Variants in ITGB4 observed in about 807,000 individuals in gnomAD.
ITGB4 encodes the protein integrin beta-4.
Under a neutral mutation model 207.6 loss-of-function variants are expected in ITGB4, and 159 were observed. The ratio of observed to expected loss-of-function variants is 0.77; its 90% CI spans 0.67 to 0.87. ITGB4 has a LOEUF of 0.87. Ranked by LOEUF, ITGB4 falls within the 40% of genes least tolerant of loss-of-function variation. ITGB4 has a pLI of 0.00. For synonymous variants in ITGB4, 1,020 were observed against 1,062.7 expected, an observed-to-expected ratio of 0.96 and a Z score of 0.78; for missense variants, 2,278 against 2,546.8, an observed-to-expected ratio of 0.89 and a Z score of 2.27.
Position 75,729,506 on chromosome 17 carries a change from C to A in ITGB4, c.738+70C>A. 6.6e-7 allele frequency: 1 copy of A among 1,515,604 alleles called. No individual in the cohort carries two copies. 93.9% of individuals were successfully genotyped at this position (1,515,604 alleles called of 1,614,324 possible). On this transcript the variant is annotated intron_variant, in intron 7 of 39. Coordinates refer to ENST00000200181, the MANE Select transcript of ITGB4 (RefSeq NM_000213.5). The surrounding 1 kb of genome is among the most constrained non-coding windows in gnomAD (Gnocchi z 4.4). Reference sequence around the variant, plus strand: ...ACTTCTGGGCAAGGGCCTGAGCTGCCCCCTGGCCTGCTCTGGTGCCAGGCT... The same window carrying A: ...ACTTCTGGGCAAGGGCCTGAGCTGCACCCTGGCCTGCTCTGGTGCCAGGCT...
chr17:75,728,317 C>T (rs1055557415), intron 5 of ITGB4, 60 bp from the exon 6 acceptor site: 12 of 1,436,520 alleles, frequency 8.4e-6, no homozygotes, highest in African/African-American at 1.4e-5. Flanking sequence ...TGGTGGGGGG[C>T]CCGTGTTTAT....
Position 75,757,108 on chromosome 17 carries a change from G to A in ITGB4, c.5218+1G>A, listed in dbSNP as rs1410351503. On this transcript the variant is annotated splice_donor_variant, in intron 38 of 39. Transcript: ENST00000200181. LOFTEE classifies it high-confidence loss of function. Reference sequence around the variant, plus strand: ...ATCACCATAGAGTCCCAGGATGGAGGTAGGCACCTGTCCTTTCCTTCACCC... The same window carrying A: ...ATCACCATAGAGTCCCAGGATGGAGATAGGCACCTGTCCTTTCCTTCACCC... 6.2e-7 allele frequency: 1 copy of A among 1,612,898 alleles called. No homozygotes were observed. The highest frequency in any genetic ancestry group is 2.2e-5 in the East Asian group (1 of 44,874).
At chr17:75,737,294 G>T (rs2060999630) in intron 16 of ITGB4, 28 bp from the exon 17 acceptor site, 2 of 1,581,264 alleles carry the variant, frequency 1.3e-6, no homozygotes, top group Admixed American at 1.8e-5. Flanking sequence ...TGTGGCTGGG[G>T]TGCCCTGCTG....
chr17:75,736,040 C>T lies in ITGB4; in HGVS notation c.1658-11C>T, dbSNP rs1166750952. The T allele has an allele frequency of 6.2e-7, 1 of 1,613,216 alleles. No homozygotes were observed. ...GTAGCTCTCATCTCCCTTCCTTGTC[C>T]CTCTCTGCAGACCGAGGACGCTGCT... On this transcript the variant is annotated splice_polypyrimidine_tract_variant and intron_variant, in intron 13 of 39. Coordinates refer to ENST00000200181, the MANE Select transcript of ITGB4 (RefSeq NM_000213.5).
At chr17:75,734,187 A>ATT (rs1420616932) in intron 13 of ITGB4, among the ~76,000 whole-genome samples, 28 of 119,570 alleles carry the variant, frequency 2.3e-4, no homozygotes, top group South Asian at 2.8e-4. Flanking sequence ...CCCAGGCTGG[A>ATT]GTGCAATAGC....
At chr17:75,756,366 G>C in intron 35 of ITGB4, 63 bp from the exon 36 acceptor site, 4 of 1,582,120 alleles carry the variant, frequency 2.5e-6, no homozygotes, top group Non-Finnish European at 3.5e-6. Flanking sequence ...TAGGGACGAG[G>C]AGGATCAGGC....
In ITGB4 at chr17:75,757,215, TGGGCAGCCGTGCC is replaced by T. The variant is rs753287400; in HGVS notation, c.5239_5251del (p.Arg1748SerfsTer24). 1 of 1,611,624 alleles carries T rather than the reference TGGGCAGCCGTGCC, an allele frequency of 6.2e-7. No individual in the cohort carries two copies. Among genetic ancestry groups the T allele is most frequent in the South Asian group, 1.1e-5 (1 of 91,054 alleles). ...CCCACCCCAGGACCCTTCCCGCAGC[TGGGCAGCCGTGCC>T]GGGCTCTTCCAGCACCCGCTGCAAA... On this transcript the variant is annotated frameshift_variant, in exon 39 of 40. Transcript: ENST00000200181. LOFTEE classifies it high-confidence loss of function.
At chr17:75,730,734 G>A (rs2060837832) in intron 8 of ITGB4, 141 bp from the exon 9 acceptor site, 1 of 1,001,534 alleles carries the variant, frequency 1.0e-6, no homozygotes, top group Admixed American at 1.8e-5. Context: ...CTCCCAAGCA[G>A]GTGGGGGCTA....
rs753610406 is a variant in ITGB4, at chr17:75,755,726, C to T, written c.4584C>T (p.Pro1528=). 114 of 1,612,742 alleles carry T rather than the reference C, an allele frequency of 7.1e-5. No individual in the cohort carries two copies. Among genetic ancestry groups the T allele is most frequent in the Admixed American group, 1.7e-4 (10 of 59,998 alleles). The change falls in exon 35 of 40, where the codon CCC becomes CCT. Residue 1528 remains proline (P), a synonymous_variant. Transcript: ENST00000200181. Reference sequence around the variant, plus strand: ...ACTCTCGCCTGACTGCTGGTGTGCCCGACACGCCCACCCGCCTGGTGTTCT... The same window carrying T: ...ACTCTCGCCTGACTGCTGGTGTGCCTGACACGCCCACCCGCCTGGTGTTCT... The part of the protein sequence containing the change: ...SHDSRLTAGV[P]DTPTRLVFSA...
At chr17:75,730,655 A>T (rs1293224193) in intron 8 of ITGB4, 151 bp downstream of exon 8, 1 of 1,113,778 alleles carries the variant, frequency 9.0e-7, no homozygotes, top group Non-Finnish European at 1.3e-6. Flanking sequence ...CCCTTCCCAA[A>T]GCCTTTAGAC....
rs746207956 is a variant in ITGB4 at position 75,756,935 on chromosome 17, C to T, written c.5054-8C>T. On this transcript the variant is annotated splice_region_variant and splice_polypyrimidine_tract_variant and intron_variant, in intron 37 of 39. Coordinates refer to ENST00000200181, the MANE Select transcript of ITGB4 (RefSeq NM_000213.5). The stretch of plus-strand genomic sequence containing the variant: ...GCCGCAGACGCTGAAGGCATCTTCC[C>T]TGCTCAGGGCCAGCCACCGCATTCC... 4.3e-5 allele frequency: 70 copies of T among 1,612,334 alleles called. No individual in the cohort carries two copies. The highest frequency in any genetic ancestry group is 5.8e-5 in the Non-Finnish European group (68 of 1,179,906).
In ITGB4 at chr17:75,730,354, C is replaced by T. The variant is rs529755730; in HGVS notation, c.852C>T (p.Asn284=). The change falls in exon 8 of 40, where the codon AAC becomes AAT. Residue 284 remains asparagine, a synonymous_variant. Coordinates refer to ENST00000200181, the MANE Select transcript of ITGB4 (RefSeq NM_000213.5). ...ANVLAGIMSR[N]DERCHLDTTG... is the part of the protein sequence containing the mutation. ...TGCTGGCTGGCATCATGAGCCGCAA[C>T]GATGAACGGTGCCACCTGGACACCA... 8.1e-5 allele frequency: 131 copies of T among 1,613,904 alleles called. No individual in the cohort carries two copies. The highest frequency in any genetic ancestry group is 1.9e-4 in the South Asian group (17 of 91,084).
At chr17:75,734,593 T>C (rs570988044) in intron 13 of ITGB4, among the ~76,000 whole-genome samples, 70 of 152,252 alleles carry the variant, frequency 4.6e-4, no homozygotes, top group Non-Finnish European at 6.3e-4. Flanking sequence ...TAGGGAAGGA[T>C]TGGTAGTTGA....
intron 26 of ITGB4, among the ~76,000 whole-genome samples, chr17:75,745,593 T>G (rs911091597): frequency 6.6e-6 from 1 of 151,372 alleles, no homozygotes. Context: ...ATAATAATAA[T>G]AAAGGCCAGG....
At chr17:75,725,179 C>A (rs2060693608) in intron 2 of ITGB4, among the ~76,000 whole-genome samples, 1 of 152,216 alleles carries the variant, frequency 6.6e-6, no homozygotes, top group Non-Finnish European at 1.5e-5. Flanking sequence ...CAGCTCCTAC[C>A]ACTTGAATTT....
At position 75,750,041 on chromosome 17, in the gene ITGB4, T is replaced by C; in HGVS notation, c.3317-70T>C. ...GGGTAGAGCGCCCTGGGTGTTGAAG[T>C]GGGTCTCTGGCGCCCCCTGGTGGTG... is the stretch of plus-strand genomic sequence containing the variant. On this transcript the variant is annotated intron_variant, in intron 27 of 39. Transcript: ENST00000200181. This position sits in a 1 kb window ranked among gnomAD's most constrained non-coding sequence, Gnocchi z 5.5. 1 of 1,596,898 alleles carries C rather than the reference T, an allele frequency of 6.3e-7. No individual in the cohort carries two copies. The highest frequency in any genetic ancestry group is 8.6e-7 in the Non-Finnish European group (1 of 1,165,540).
Position 75,736,111 on chromosome 17 carries a change from G to A in ITGB4, c.1718G>A (p.Cys573Tyr), listed in dbSNP as rs780108176. The A allele has an allele frequency of 1.9e-6, 3 of 1,614,190 alleles. No homozygotes were observed. Among genetic ancestry groups the A allele is most frequent in the Non-Finnish European group, 2.5e-6 (3 of 1,180,022 alleles). ...VCEPGWTGPSCDCPLSNATCI... is the reference protein window; with the variant it reads ...VCEPGWTGPSYDCPLSNATCI... ...GAGCCTGGTTGGACAGGCCCAAGCT[G>A]TGACTGTCCCCTCAGCAATGCCACC... Residue 573 changes from cysteine (C) to tyrosine (Y), a missense_variant, in exon 14 of 40, where the codon TGT becomes TAT. Physicochemically the swap from Cys to Tyr is radical, Grantham distance 194. Coordinates refer to ENST00000200181, the MANE Select transcript of ITGB4 (RefSeq NM_000213.5).
rs1349019088 is a variant in ITGB4 at position 75,732,171 on chromosome 17, G to C, written c.1386G>C (p.Glu462Asp). 3 of 1,614,004 alleles carry C rather than the reference G, an allele frequency of 1.9e-6. No homozygotes were observed. Among genetic ancestry groups the C allele is most frequent in the East Asian group, 2.2e-5 (1 of 44,894 alleles). ...GGTCTCTCTCATTCCAGCAAAAAGA[G>C]GTGCGGTCAGCTCGCTGCAGCTTCA... ...CDVCTCELQK[E>D]VRSARCSFNG... The change falls in exon 12 of 40, where the codon GAG becomes GAC. Residue 462 changes from glutamate (E) to aspartate (D), a missense_variant. By Grantham distance (45) the Glu-to-Asp change is conservative (BLOSUM62 2). Transcript: ENST00000200181. This position sits in a 1 kb window ranked among gnomAD's most constrained non-coding sequence, Gnocchi z 5.3.
At chr17:75,738,072 T>G (rs2061022836) in intron 18 of ITGB4, among the ~76,000 whole-genome samples, 1 of 152,086 alleles carries the variant, frequency 6.6e-6, no homozygotes, top group South Asian at 2.1e-4. Flanking sequence ...TTACTTAATC[T>G]CTCCATGCCT....
Sources: gnomAD v4.1 joint callset for allele counts (sites outside exome capture counted in the v4.1 genomes callset) on GRCh38, gnomAD v4.1.1 for gene constraint, Gnocchi (gnomAD v3.1) non-coding constraint, MANE v1.5 for transcripts, NCBI Gene and HGNC (gene_info 2026-07-23, HGNC 2026-07-21) for gene names.